The following NAALADL2 variants were observed in gnomAD, a reference collection of about 807,000 sequenced individuals.
NAALADL2 encodes the protein N-acetylated alpha-linked acidic dipeptidase like 2.
In NAALADL2, 76 loss-of-function variants were observed where a neutral mutation model predicts 87.2. The observed-to-expected ratio is 0.87, with a 90% CI of 0.72 to 1.05. The LOEUF (loss-of-function observed/expected upper bound fraction) is 1.05, where lower values mean the gene tolerates loss of function less well. NAALADL2 is among the 50% of genes least tolerant of loss of function. The pLI is 0.00. For missense variants in NAALADL2, 1,089 were observed against 945.8 expected (o/e 1.15, Z -1.99); for synonymous variants, 354 against 331.0 (o/e 1.07, Z -0.75).
intron 1 of NAALADL2, among the ~76,000 whole-genome samples, chr3:174,547,860 T>C (rs1436375582): frequency 6.6e-6 from 1 of 152,192 alleles, no homozygotes; most frequent in Non-Finnish European, 1.5e-5. Flanking sequence ...TTTCAACTTA[T>C]GGCATTTCAC....
At chr3:175,303,159 A>G (rs926927280) in intron 4 of NAALADL2, among the ~76,000 whole-genome samples, 2 of 152,144 alleles carry the variant, frequency 1.3e-5, no homozygotes, top group African/African-American at 4.8e-5. Flanking sequence ...GTGTTTTTTC[A>G]GCCCCACTAC....
chr3:175,366,973 T>C (rs558564298), intron 5 of NAALADL2, among the ~76,000 whole-genome samples: 2 of 151,690 alleles, frequency 1.3e-5, no homozygotes, highest in African/African-American at 4.9e-5. Context: ...GGTTTTCTTC[T>C]AGGGTTTTTA....
chr3:175,173,464 T>C (rs962450394), intron 2 of NAALADL2, among the ~76,000 whole-genome samples: 1 of 152,146 alleles, frequency 6.6e-6, no homozygotes, highest in African/African-American at 2.4e-5. Flanking sequence ...GTCGTGCCAC[T>C]GCACTCCAAC....
At chr3:175,484,452 A>T (rs558483723) in intron 9 of NAALADL2, among the ~76,000 whole-genome samples, 72 of 152,118 alleles carry the variant, frequency 4.7e-4, no homozygotes, top group Non-Finnish European at 9.3e-4. Flanking sequence ...GTATGTTTCA[A>T]ACTAAGTATG....
chr3:174,817,874 T>G (rs1442792763), intron 3 of NAALADL2, among the ~76,000 whole-genome samples: 1 of 152,178 alleles, frequency 6.6e-6, no homozygotes, highest in Non-Finnish European at 1.5e-5. Flanking sequence ...AATAGTTTTA[T>G]CAGAAAGCTT....
intron 4 of NAALADL2, among the ~76,000 whole-genome samples, chr3:175,287,944 T>C (rs1370108481): frequency 1.3e-5 from 2 of 152,222 alleles, no homozygotes; most frequent in Admixed American, 6.5e-5. Context: ...GATATTATTA[T>C]ACAGTTAACT....
In NAALADL2 at chr3:175,777,992, C is replaced by T. The variant is rs563857821; in HGVS notation, c.2189+22574C>T. ...ATACGTTTAGCATAATGTTTTCATA[C>T]GCAGTCTGTGTGTCTGTGTGTATAC... On this transcript the variant is annotated intron_variant, in intron 13 of 13. Transcript: ENST00000454872. 2.4e-4 allele frequency among the ~76,000 whole-genome samples: 37 copies of T among 152,294 alleles called. No homozygotes were observed. The South Asian group carries it at 3.9e-3, about 16-fold the overall frequency.
intron 1 of NAALADL2, among the ~76,000 whole-genome samples, chr3:174,985,359 C>T (rs1167131071): frequency 1.3e-5 from 2 of 152,110 alleles, no homozygotes; most frequent in Non-Finnish European, 2.9e-5. Flanking sequence ...CTACCTCTGG[C>T]CATCTTTGAG....
At chr3:175,642,270 G>T (rs1365010004) in intron 11 of NAALADL2, among the ~76,000 whole-genome samples, 2 of 152,082 alleles carry the variant, frequency 1.3e-5, no homozygotes, top group East Asian at 3.9e-4. Flanking sequence ...ATGCTTTTGT[G>T]ATTTGCTTTT....
chr3:175,291,307 T>G (rs1035412460), intron 4 of NAALADL2, among the ~76,000 whole-genome samples: 3 of 152,162 alleles, frequency 2.0e-5, no homozygotes, highest in Admixed American at 6.5e-5. Flanking sequence ...TAGCAACAGT[T>G]CTTTCGATCT....
At chr3:175,717,156 C>G (rs554001652) in intron 11 of NAALADL2, among the ~76,000 whole-genome samples, 65 of 152,232 alleles carry the variant, frequency 4.3e-4, no homozygotes, top group African/African-American at 1.6e-3. Context: ...AGACGAGTAT[C>G]TTGGCCTCAA....
chr3:174,485,791 A>C (rs1717817411), intron 1 of NAALADL2, among the ~76,000 whole-genome samples: 1 of 151,980 alleles, frequency 6.6e-6, no homozygotes, highest in African/African-American at 2.4e-5. Flanking sequence ...ATAATGCTGT[A>C]ATAAACATAT....
chr3:174,743,583 C>T (rs1170157918), intron 3 of NAALADL2, among the ~76,000 whole-genome samples: 1 of 151,682 alleles, frequency 6.6e-6, no homozygotes, highest in African/African-American at 2.4e-5. Context: ...TTCTAGATTC[C>T]ATTATTAAAG....
chr3:175,166,528 TA>T (rs1284767034), intron 2 of NAALADL2, among the ~76,000 whole-genome samples: 11 of 151,926 alleles, frequency 7.2e-5, no homozygotes. Context: ...ATTTCCTTAT[TA>T]AGAAACCATG....
chr3:175,572,781 G>A (rs188013232), intron 9 of NAALADL2, among the ~76,000 whole-genome samples: 1 of 152,218 alleles, frequency 6.6e-6, no homozygotes, highest in Non-Finnish European at 1.5e-5. Flanking sequence ...AACAAATGTT[G>A]CAAGTAGCTG....
chr3:175,632,783 T>G lies in NAALADL2; in HGVS notation c.1896+5397T>G, dbSNP rs577251401. ...GCTATAGAGCACCTAGTCAGATACA[T>G]CAAGGAGGCTGTTGAATATGAGGTT... On this transcript the variant is annotated intron_variant, in intron 11 of 13. Coordinates refer to ENST00000454872, the MANE Select transcript of NAALADL2 (RefSeq NM_207015.3). 1.2e-3 allele frequency among the ~76,000 whole-genome samples: 177 copies of G among 152,230 alleles called. 1 individual carries two copies. The highest frequency in any genetic ancestry group is 4.0e-3 in the African/African-American group (166 of 41,572).
chr3:174,872,165 G>A (rs566560880), intron 1 of NAALADL2, among the ~76,000 whole-genome samples: 10 of 152,214 alleles, frequency 6.6e-5, no homozygotes, highest in East Asian at 3.9e-4. Flanking sequence ...AAGATTAAGC[G>A]CATATTCTAA....
intron 2 of NAALADL2, among the ~76,000 whole-genome samples, chr3:174,604,775 C>CT (rs957998680): frequency 0.019 from 2,680 of 143,362 alleles, 77 homozygotes; most frequent in African/African-American, 0.063. Context: ...TCTTTCTTTT[C>CT]TTTTTTTTTT....
chr3:175,138,194 A>C (rs1203048094), intron 2 of NAALADL2, among the ~76,000 whole-genome samples: 2 of 152,198 alleles, frequency 1.3e-5, no homozygotes, highest in Admixed American at 1.3e-4. Context: ...AAAAGTCAAA[A>C]AAGAGAATGA....
Sources: gnomAD v4.1 joint callset for allele counts (sites outside exome capture counted in the v4.1 genomes callset) on GRCh38, gnomAD v4.1.1 for gene constraint, MANE v1.5 for transcripts, NCBI Gene and HGNC (gene_info 2026-07-23, HGNC 2026-07-21) for gene names.